Variants in ACYP2 observed in about 807,000 individuals in gnomAD.
ACYP2 encodes acylphosphatase-2.
ACYP2 carries 12 observed loss-of-function variants against 11.2 expected under a neutral mutation model. That is an observed-to-expected ratio of 1.08 (90% CI 0.69 to 1.74). The LOEUF is 1.74. ACYP2 is among the 40% of genes most tolerant of loss of function. The pLI, the probability that ACYP2 is intolerant of heterozygous loss-of-function variation, is 0.00. For synonymous variants in ACYP2, 43 were observed against 32.2 expected (o/e 1.33, Z -1.13); for missense variants, 134 against 101.9 (o/e 1.31, Z -1.35).
chr2:54,216,026 C>T (rs934891632), intron 6 of ACYP2, among the ~76,000 whole-genome samples: 2 of 152,138 alleles, frequency 1.3e-5, no homozygotes, highest in African/African-American at 4.8e-5. Flanking sequence ...GCTCTGTTTT[C>T]ATCTGTTTTA....
intron 6 of ACYP2, among the ~76,000 whole-genome samples, chr2:54,226,964 C>T (rs530047293): frequency 6.6e-6 from 1 of 152,050 alleles, no homozygotes; most frequent in African/African-American, 2.4e-5. Flanking sequence ...ACACATTTGG[C>T]TTATATGATG....
At chr2:54,088,820 A>G (rs1468871038) in intron 4 of ACYP2, among the ~76,000 whole-genome samples, 2 of 152,196 alleles carry the variant, frequency 1.3e-5, no homozygotes, top group South Asian at 4.1e-4. Flanking sequence ...CCCACTTAGT[A>G]TATCAGAAAG....
At chr2:54,038,673 CTATATATATATATATATATATATATA>C (rs56817782) in intron 2 of ACYP2, among the ~76,000 whole-genome samples, 59,995 of 106,348 alleles carry the variant, frequency 0.56, 14,520 homozygotes, top group South Asian at 0.69. Context: ...TTATTGAATA[CTATATATATATATATATATATATATA>C]TATATATATA....
At chr2:54,277,066 G>C (rs1463266495) in intron 6 of ACYP2, among the ~76,000 whole-genome samples, 1 of 152,128 alleles carries the variant, frequency 6.6e-6, no homozygotes, top group Non-Finnish European at 1.5e-5. Context: ...ACACTTTCCT[G>C]TTACGTACAA....
At chr2:54,119,584 G>C (rs772808057) in intron 4 of ACYP2, among the ~76,000 whole-genome samples, 1 of 152,164 alleles carries the variant, frequency 6.6e-6, no homozygotes, top group African/African-American at 2.4e-5. Flanking sequence ...TGACATGAAA[G>C]TGAACATGGA....
At chr2:54,228,708 AAAG>A (rs774209184) in intron 6 of ACYP2, among the ~76,000 whole-genome samples, 4 of 152,110 alleles carry the variant, frequency 2.6e-5, no homozygotes, top group Non-Finnish European at 4.4e-5. Context: ...AGAGGAGAGA[AAAG>A]AAAAAAAAGG....
chr2:54,019,710 C>A (rs766761754), intron 2 of ACYP2, among the ~76,000 whole-genome samples: 1 of 152,006 alleles, frequency 6.6e-6, no homozygotes, highest in Non-Finnish European at 1.5e-5. Flanking sequence ...GCCTCTGCCT[C>A]CCGGGTTCAA....
At chr2:53,994,649 G>A (rs1573471709) in intron 2 of ACYP2, among the ~76,000 whole-genome samples, 1 of 152,006 alleles carries the variant, frequency 6.6e-6, no homozygotes, top group South Asian at 2.1e-4. Flanking sequence ...GGAAAATCTT[G>A]TGTTGAGTAG....
chr2:54,250,741 C>T (rs1349649491), intron 6 of ACYP2, among the ~76,000 whole-genome samples: 1 of 152,068 alleles, frequency 6.6e-6, no homozygotes, highest in East Asian at 1.9e-4. Flanking sequence ...TATTATCACC[C>T]AAATACATTG....
intron 6 of ACYP2, among the ~76,000 whole-genome samples, chr2:54,208,372 TTTC>T (rs1435249977): frequency 2.6e-5 from 4 of 151,852 alleles, no homozygotes; most frequent in African/African-American, 9.7e-5. Flanking sequence ...CATCTATGTT[TTTC>T]TTTTTTCTTT....
At chr2:54,173,866 C>G (rs932077809) in intron 6 of ACYP2, among the ~76,000 whole-genome samples, 3 of 151,970 alleles carry the variant, frequency 2.0e-5, no homozygotes, top group Non-Finnish European at 4.4e-5. Context: ...ATTTCTGAGG[C>G]CTCTGTTCTG....
At chr2:54,160,660 C>G (rs1381395525) in intron 6 of ACYP2, among the ~76,000 whole-genome samples, 1 of 152,156 alleles carries the variant, frequency 6.6e-6, no homozygotes, top group Admixed American at 6.5e-5. Flanking sequence ...GCTGAAAGAG[C>G]CTTCATTGTG....
chr2:54,261,398 G>A (rs369487351), intron 6 of ACYP2, among the ~76,000 whole-genome samples: 48 of 152,182 alleles, frequency 3.2e-4, no homozygotes, highest in African/African-American at 1.2e-3. Flanking sequence ...GAGGGAGAGG[G>A]AGAAAAAGGA....
intron 6 of ACYP2, among the ~76,000 whole-genome samples, chr2:54,273,313 C>T (rs922341119): frequency 3.9e-5 from 6 of 152,178 alleles, no homozygotes; most frequent in African/African-American, 1.4e-4. Context: ...AGATATACTA[C>T]AATACTAGTA....
At chr2:54,086,307 A>T (rs1401529942) in intron 4 of ACYP2, among the ~76,000 whole-genome samples, 1 of 152,084 alleles carries the variant, frequency 6.6e-6, no homozygotes, top group Non-Finnish European at 1.5e-5. Flanking sequence ...TCTGCACTAG[A>T]CATGTGGTGG....
chr2:54,131,180 T>C (rs536661157), intron 4 of ACYP2, among the ~76,000 whole-genome samples: 1 of 152,396 alleles, frequency 6.6e-6, no homozygotes, highest in Non-Finnish European at 1.5e-5. Flanking sequence ...CTATTAGATT[T>C]ACCTGAGTTA....
intron 4 of ACYP2, among the ~76,000 whole-genome samples, chr2:54,081,697 G>T (rs1677664091): frequency 6.6e-6 from 1 of 152,216 alleles, no homozygotes; most frequent in South Asian, 2.1e-4. Context: ...TGATGAGAGA[G>T]ATTTTTTGTT....
Position 54,115,770 on chromosome 2 carries a change from C to G in ACYP2, c.278-19683C>G, listed in dbSNP as rs1260340711. The stretch of plus-strand genomic sequence containing the variant: ...GAAGAGTGCAGGGTAGGAGGCCCCT[C>G]TACGGTGGGAGATCAAAAAGGTTAT... On this transcript the variant is annotated intron_variant, in intron 4 of 6. Coordinates refer to ENST00000607452, the MANE Select transcript of ACYP2 (RefSeq NM_001320586.2). 6 of 1,591,178 alleles carry G rather than the reference C, an allele frequency of 3.8e-6. No homozygotes were observed. The African/African-American group carries it at 6.9e-5, about 18-fold the overall frequency.
intron 6 of ACYP2, chr2:54,142,939 C>G (rs1412695786): frequency 1.3e-5 from 2 of 152,042 alleles, no homozygotes. Flanking sequence ...ATATGGATTT[C>G]TTTCCCATTT....
Sources: gnomAD v4.1 joint callset for allele counts (sites outside exome capture counted in the v4.1 genomes callset) on GRCh38, gnomAD v4.1.1 for gene constraint, MANE v1.5 for transcripts, NCBI Gene and HGNC (gene_info 2026-07-23, HGNC 2026-07-21) for gene names.